Variants in GBE1 observed in about 807,000 individuals in gnomAD.
The protein encoded by GBE1 is 1,4-alpha-glucan branching enzyme 1, also known as 1,4-alpha-glucan-branching enzyme.
A neutral mutation model predicts 88.8 loss-of-function variants in GBE1; 70 were observed. The ratio of observed to expected loss-of-function variants is 0.79; its 90% CI spans 0.65 to 0.96. The LOEUF is 0.96. GBE1 is among the 40% of genes least tolerant of loss of function. GBE1 has a pLI of 0.00. For synonymous variants in GBE1, 284 were observed against 300.1 expected (o/e 0.95, Z 0.56); for missense variants, 872 against 871.0 (o/e 1.00, Z -0.01).
At chr3:81,723,280 T>G (rs555702963) in intron 1 of GBE1, among the ~76,000 whole-genome samples, 15 of 151,760 alleles carry the variant, frequency 9.9e-5, no homozygotes, top group Non-Finnish European at 2.9e-5. Context: ...TTTTTGTATT[T>G]TTAGTAGAGA....
intron 14 of GBE1, among the ~76,000 whole-genome samples, chr3:81,524,306 A>G (rs1186584884): frequency 1.3e-5 from 2 of 151,760 alleles, no homozygotes; most frequent in Non-Finnish European, 2.9e-5. Flanking sequence ...TGAGATGTAT[A>G]TTCAGATCTT....
intron 7 of GBE1, among the ~76,000 whole-genome samples, chr3:81,607,622 CAT>C (rs1347852967): frequency 6.6e-6 from 1 of 151,992 alleles, no homozygotes; most frequent in Non-Finnish European, 1.5e-5. Context: ...TTCGTCTTGT[CAT>C]ATTATTTTAA....
At chr3:81,527,419 C>T (rs1398611897) in intron 14 of GBE1, among the ~76,000 whole-genome samples, 4 of 152,134 alleles carry the variant, frequency 2.6e-5, no homozygotes, top group African/African-American at 9.7e-5. Flanking sequence ...AAACTACCAT[C>T]AGAGTGAACA....
At chr3:81,648,186 T>C (rs760068706) in intron 5 of GBE1, among the ~76,000 whole-genome samples, 9 of 152,266 alleles carry the variant, frequency 5.9e-5, no homozygotes, top group South Asian at 4.1e-4. Flanking sequence ...CATAATTACA[T>C]GTGCTTTATC....
chr3:81,616,256 G>A (rs1439782884), intron 7 of GBE1, among the ~76,000 whole-genome samples: 1 of 152,078 alleles, frequency 6.6e-6, no homozygotes, highest in Non-Finnish European at 1.5e-5. Flanking sequence ...TGTATTGACA[G>A]TATTCTCATG....
chr3:81,666,753 G>A (rs1705118922), intron 3 of GBE1, among the ~76,000 whole-genome samples: 1 of 152,122 alleles, frequency 6.6e-6, no homozygotes, highest in Non-Finnish European at 1.5e-5. Flanking sequence ...ACACATAAAT[G>A]ATCTACTCAA....
intron 12 of GBE1, among the ~76,000 whole-genome samples, chr3:81,549,325 G>T (rs1279687109): frequency 1.3e-5 from 2 of 151,430 alleles, no homozygotes; most frequent in Non-Finnish European, 3.0e-5. Context: ...ACCACCCCCG[G>T]CTGGGTATTC....
rs544036285 is a variant in GBE1 at position 81,728,799 on chromosome 3, T to A, written c.144-23186A>T. On this transcript the variant is annotated intron_variant, in intron 1 of 15. Coordinates refer to ENST00000429644, the MANE Select transcript of GBE1 (RefSeq NM_000158.4). ...TCAAATCACTACTGCTGCCTTCTTATACACAAAGATGTATAACAGAAAAGC... is the reference window on the plus strand; with the variant it reads ...TCAAATCACTACTGCTGCCTTCTTAAACACAAAGATGTATAACAGAAAAGC... 6.6e-5 allele frequency among the ~76,000 whole-genome samples: 10 copies of A among 152,262 alleles called. No individual in the cohort carries two copies. In the South Asian group the frequency reaches 1.9e-3, roughly 28 times the overall value.
chr3:81,589,888 C>T (rs1202382986), intron 9 of GBE1, among the ~76,000 whole-genome samples: 3 of 151,866 alleles, frequency 2.0e-5, no homozygotes, highest in Admixed American at 6.6e-5. Flanking sequence ...ATATTCAGCA[C>T]AAAAAATATT....
At chr3:81,738,252 C>A (rs1278352153) in intron 1 of GBE1, among the ~76,000 whole-genome samples, 2 of 150,938 alleles carry the variant, frequency 1.3e-5, no homozygotes, top group African/African-American at 2.4e-5. Flanking sequence ...ATTTATAGTC[C>A]TTTGGGTATA....
intron 7 of GBE1, among the ~76,000 whole-genome samples, chr3:81,616,582 A>T (rs1704251248): frequency 6.6e-6 from 1 of 152,126 alleles, no homozygotes; most frequent in African/African-American, 2.4e-5. Context: ...GATACCACAC[A>T]GTCTTGATTA....
chr3:81,584,440 G>A (rs1703771780), intron 10 of GBE1, among the ~76,000 whole-genome samples: 1 of 152,070 alleles, frequency 6.6e-6, no homozygotes, highest in Non-Finnish European at 1.5e-5. Context: ...AAATGCACCA[G>A]TTACAAAAGT....
rs901566567 is a variant in GBE1, at chr3:81,646,250, T to C, written c.782+142A>G. 3 of 623,580 alleles carry C rather than the reference T, an allele frequency of 4.8e-6. No homozygotes were observed. In the Admixed American group the frequency reaches 1.1e-4, roughly 22 times the overall value. The allele number at this position is 623,580 out of a possible 1,614,324, so 38.6% of individuals were successfully genotyped here. A position where few individuals can be genotyped will look rare whatever the true frequency, so the allele number is the denominator to read the frequency against. ...TGGAGGAGAAGAGAGTCTATGACCT[T>C]AGTAAAAGAAAATGTTCAGCTTCTA... On this transcript the variant is annotated intron_variant, in intron 6 of 15. Transcript: ENST00000429644.
At chr3:81,669,491 T>C (rs990993567) in intron 3 of GBE1, among the ~76,000 whole-genome samples, 2 of 152,154 alleles carry the variant, frequency 1.3e-5, no homozygotes, top group African/African-American at 4.8e-5. Flanking sequence ...CCTTATAAAC[T>C]ATCGAAGAAT....
At chr3:81,530,892 G>A (rs1216382212) in intron 14 of GBE1, among the ~76,000 whole-genome samples, 2 of 151,858 alleles carry the variant, frequency 1.3e-5, no homozygotes, top group East Asian at 2.0e-4. Context: ...CCAGGCCTGG[G>A]TCCTTCCCTT....
chr3:81,637,720 A>G (rs1704610440), intron 7 of GBE1, among the ~76,000 whole-genome samples: 1 of 152,028 alleles, frequency 6.6e-6, no homozygotes, highest in African/African-American at 2.4e-5. Flanking sequence ...CATTCATGTC[A>G]TGGTTGCTTA....
intron 1 of GBE1, among the ~76,000 whole-genome samples, chr3:81,755,887 TTAAAAATGG>T (rs1706594629): frequency 6.6e-6 from 1 of 152,152 alleles, no homozygotes; most frequent in Admixed American, 6.5e-5. Context: ...TGAACTGTGG[TTAAAAATGG>T]TAAAAATGGT....
At chr3:81,720,314 C>T (rs1326619332) in intron 1 of GBE1, among the ~76,000 whole-genome samples, 2 of 150,644 alleles carry the variant, frequency 1.3e-5, no homozygotes, top group Non-Finnish European at 2.9e-5. Flanking sequence ...CATATACACA[C>T]ATACACACAC....
chr3:81,506,012 A>C (rs79721141), intron 14 of GBE1, among the ~76,000 whole-genome samples: 5,866 of 152,168 alleles, frequency 0.039, 162 homozygotes, highest in Non-Finnish European at 0.06. Flanking sequence ...GACACAGGCG[A>C]GGGCAAAGAT....
Sources: allele counts gnomAD v4.1 joint callset (sites outside exome capture counted in the v4.1 genomes callset), GRCh38; gene constraint gnomAD v4.1.1; transcripts MANE v1.5; gene names NCBI Gene and HGNC (gene_info 2026-07-23, HGNC 2026-07-21).